The following OSBPL8 variants were observed in gnomAD, a reference collection of about 807,000 sequenced individuals.
OSBPL8 encodes the protein oxysterol-binding protein-related protein 8.
In OSBPL8, 59 loss-of-function variants were observed where a neutral mutation model predicts 125.5. The observed-to-expected ratio is 0.47, with a 90% CI of 0.38 to 0.58. The LOEUF (loss-of-function observed/expected upper bound fraction) is 0.58, where lower values mean the gene tolerates loss of function less well. Among genes scored for constraint, OSBPL8 ranks in the 20% least tolerant of loss-of-function variants. The probability of loss-of-function intolerance (pLI) is 0.00; values close to 1 mark genes in which losing one functional copy is unlikely to be tolerated. For synonymous variants in OSBPL8, 330 were observed against 338.9 expected (o/e 0.97, Z 0.29); for missense variants, 758 against 1,047.8 (o/e 0.72, Z 3.82).
intron 2 of OSBPL8, among the ~76,000 whole-genome samples, chr12:76,463,860 A>G (rs575077526): frequency 6.6e-6 from 1 of 152,348 alleles, no homozygotes; most frequent in African/African-American, 2.4e-5. Context: ...ATACCACTGA[A>G]GTCTTCTGCA....
At chr12:76,409,895 T>C (rs1954439180) in intron 5 of OSBPL8, among the ~76,000 whole-genome samples, 1 of 152,144 alleles carries the variant, frequency 6.6e-6, no homozygotes, top group Non-Finnish European at 1.5e-5. Context: ...TTTGATTCCA[T>C]AAACATAAAA....
At chr12:76,407,980 C>T (rs764626765) in intron 5 of OSBPL8, among the ~76,000 whole-genome samples, 7 of 151,722 alleles carry the variant, frequency 4.6e-5, no homozygotes, top group African/African-American at 7.3e-5. Context: ...TTGTTATGAA[C>T]GTTAAAATGG....
intron 9 of OSBPL8, among the ~76,000 whole-genome samples, chr12:76,393,761 C>T (rs1413558260): frequency 6.8e-6 from 1 of 146,002 alleles, no homozygotes; most frequent in Admixed American, 7.0e-5. Context: ...CGATGGCTCA[C>T]GCCTGTAACC....
At chr12:76,368,585 C>G (rs1020791280) in intron 21 of OSBPL8, among the ~76,000 whole-genome samples, 1 of 152,072 alleles carries the variant, frequency 6.6e-6, no homozygotes, top group Non-Finnish European at 1.5e-5. Context: ...TCACTTCATT[C>G]ATTTTTCTTT....
chr12:76,524,614 T>C (rs2055960), intron 1 of OSBPL8, among the ~76,000 whole-genome samples: 30,976 of 151,532 alleles, frequency 0.2, 3,396 homozygotes, highest in Non-Finnish European at 0.26. Flanking sequence ...CACTGTGAAG[T>C]TTTTTTTGGC....
chr12:76,510,258 C>A (rs1592818803), intron 1 of OSBPL8, among the ~76,000 whole-genome samples: 1 of 152,144 alleles, frequency 6.6e-6, no homozygotes, highest in South Asian at 2.1e-4. Context: ...AATCATCCAA[C>A]CCAGTGACAA....
At chr12:76,543,102 G>T (rs2137436965) in intron 1 of OSBPL8, among the ~76,000 whole-genome samples, 1 of 151,932 alleles carries the variant, frequency 6.6e-6, no homozygotes, top group East Asian at 1.9e-4. Context: ...GCAATTAGGA[G>T]TTTACTGTCG....
rs869202382 is a variant in OSBPL8, at chr12:76,483,660, C to CTTTTTTTTT, written c.42+3841_42+3849dup. 3.0e-4 allele frequency among the ~76,000 whole-genome samples: 17 copies of CTTTTTTTTT among 57,454 alleles called. 4 individuals carry two copies. Among genetic ancestry groups the CTTTTTTTTT allele is most frequent in the African/African-American group, 5.6e-4 (7 of 12,528 alleles). The allele number at this position is 57,454 out of a possible 152,430, so 37.7% of individuals were successfully genotyped here. A position where few individuals can be genotyped will look rare whatever the true frequency, so the allele number is the denominator to read the frequency against. ...CTCACCCCAAGATCACTGTAATAGT[C>CTTTTTTTTT]TTTTTTTTTTTTTTTTTTTTTTTTT... On this transcript the variant is annotated intron_variant, in intron 2 of 23. Coordinates refer to ENST00000261183, the MANE Select transcript of OSBPL8 (RefSeq NM_020841.5).
At chr12:76,419,127 T>G (rs1445686869) in intron 4 of OSBPL8, among the ~76,000 whole-genome samples, 3 of 151,846 alleles carry the variant, frequency 2.0e-5, no homozygotes, top group African/African-American at 7.3e-5. Flanking sequence ...TCTCAGCTAG[T>G]TGGGAGGTGG....
At chr12:76,401,509 C>T (rs1195427963) in intron 6 of OSBPL8, among the ~76,000 whole-genome samples, 1 of 152,038 alleles carries the variant, frequency 6.6e-6, no homozygotes, top group African/African-American at 2.4e-5. Flanking sequence ...TATTATTATC[C>T]TTATTTTACA....
intron 1 of OSBPL8, among the ~76,000 whole-genome samples, chr12:76,494,197 T>C (rs1393901991): frequency 6.6e-6 from 1 of 152,208 alleles, no homozygotes; most frequent in African/African-American, 2.4e-5. Flanking sequence ...GGTGGTGTTA[T>C]GTTTTCTTGC....
chr12:76,442,392 T>C (rs985863506), intron 4 of OSBPL8, among the ~76,000 whole-genome samples: 2 of 152,192 alleles, frequency 1.3e-5, no homozygotes, highest in African/African-American at 4.8e-5. Flanking sequence ...CAATAGGTAT[T>C]TTCATAGTTC....
chr12:76,494,898 T>C (rs925941796), intron 1 of OSBPL8, among the ~76,000 whole-genome samples: 3 of 152,166 alleles, frequency 2.0e-5, no homozygotes, highest in Non-Finnish European at 4.4e-5. Flanking sequence ...AGTTAACATA[T>C]TGATGGCATT....
chr12:76,409,776 A>T (rs1954433956), intron 5 of OSBPL8, among the ~76,000 whole-genome samples: 1 of 152,218 alleles, frequency 6.6e-6, no homozygotes, highest in African/African-American at 2.4e-5. Flanking sequence ...AAGCCTCTCA[A>T]CCACTCTCAA....
chr12:76,381,458 T>C (rs1049013664), intron 15 of OSBPL8, among the ~76,000 whole-genome samples: 1 of 152,208 alleles, frequency 6.6e-6, no homozygotes, highest in Non-Finnish European at 1.5e-5. Flanking sequence ...TGTGGTAATT[T>C]GTGTCTCTTA....
intron 2 of OSBPL8, among the ~76,000 whole-genome samples, chr12:76,483,660 CTTTTTTTTTTTTTTTTTTT>C (rs869202382): frequency 8.7e-5 from 5 of 57,438 alleles, no homozygotes; most frequent in African/African-American, 4.0e-4. Context: ...CTGTAATAGT[CTTTTTTTTTTTTTTTTTTT>C]TTTTTTTTTT....
intron 4 of OSBPL8, among the ~76,000 whole-genome samples, chr12:76,412,443 T>C (rs1258454195): frequency 2.0e-5 from 3 of 151,696 alleles, no homozygotes; most frequent in Non-Finnish European, 4.4e-5. Context: ...AAAAATAATT[T>C]TAAAACACAC....
At chr12:76,495,345 T>G (rs1343257777) in intron 1 of OSBPL8, among the ~76,000 whole-genome samples, 1 of 152,228 alleles carries the variant, frequency 6.6e-6, no homozygotes, top group East Asian at 1.9e-4. Context: ...GCAGCATCAT[T>G]TGACACATTT....
chr12:76,401,363 T>A (rs1363403744), intron 6 of OSBPL8, among the ~76,000 whole-genome samples: 1 of 152,226 alleles, frequency 6.6e-6, no homozygotes, highest in African/African-American at 2.4e-5. Flanking sequence ...AAATGTTACA[T>A]AGGATTCCAA....
Sources: allele counts gnomAD v4.1 joint callset (sites outside exome capture counted in the v4.1 genomes callset), GRCh38; gene constraint gnomAD v4.1.1; transcripts MANE v1.5; gene names NCBI Gene and HGNC (gene_info 2026-07-23, HGNC 2026-07-21).